Variants in SEMA3A observed in about 807,000 individuals in gnomAD.
SEMA3A encodes semaphorin 3A.
SEMA3A carries 29 observed loss-of-function variants against 97.9 expected under a neutral mutation model. The ratio of observed to expected loss-of-function variants is 0.30; its 90% CI spans 0.22 to 0.40. The LOEUF (loss-of-function observed/expected upper bound fraction) is 0.40. SEMA3A is among the 10% of genes least tolerant of loss of function. The pLI, the probability that SEMA3A is intolerant of heterozygous loss-of-function variation, is 1.00. For missense variants in SEMA3A, 763 were observed against 951.3 expected (o/e 0.80, Z 2.60); for synonymous variants, 321 against 323.7 (o/e 0.99, Z 0.09).
chr7:84,348,596 A>C (rs1459908386), intron 2 of SEMA3A, among the ~76,000 whole-genome samples: 2 of 152,196 alleles, frequency 1.3e-5, no homozygotes, highest in Non-Finnish European at 2.9e-5. Context: ...TCAAGAAAAG[A>C]ACTAAATATA....
chr7:84,229,180 G>A (rs1799060471), intron 3 of SEMA3A, among the ~76,000 whole-genome samples: 1 of 151,674 alleles, frequency 6.6e-6, no homozygotes, highest in African/African-American at 2.4e-5. Context: ...AAGTTTTTTT[G>A]TTATGTTTTT....
intron 3 of SEMA3A, among the ~76,000 whole-genome samples, chr7:84,294,852 T>C (rs1347974754): frequency 6.6e-6 from 1 of 152,000 alleles, no homozygotes; most frequent in Non-Finnish European, 1.5e-5. Flanking sequence ...TCTGAGTTAA[T>C]TGTAATTGGT....
At chr7:84,159,388 G>A (rs147566153) in intron 1 of SEMA3A, among the ~76,000 whole-genome samples, 6 of 152,042 alleles carry the variant, frequency 3.9e-5, no homozygotes, top group Non-Finnish European at 7.4e-5. Context: ...ATCTTTTTCC[G>A]TACCTTTTTA....
chr7:84,304,283 A>G (rs1286782148), intron 3 of SEMA3A, among the ~76,000 whole-genome samples: 6 of 152,126 alleles, frequency 3.9e-5, no homozygotes, highest in African/African-American at 1.4e-4. Flanking sequence ...AGGGCTGAAT[A>G]GTAAATATCT....
chr7:84,128,248 G>T (rs1795860481), intron 3 of SEMA3A, among the ~76,000 whole-genome samples: 1 of 151,634 alleles, frequency 6.6e-6, no homozygotes, highest in South Asian at 2.1e-4. Flanking sequence ...TGAATACATG[G>T]AAGGAAAGGA....
At chr7:84,304,926 T>C (rs1309983878) in intron 3 of SEMA3A, among the ~76,000 whole-genome samples, 1 of 152,042 alleles carries the variant, frequency 6.6e-6, no homozygotes, top group Non-Finnish European at 1.5e-5. Flanking sequence ...TTTAAATAAA[T>C]GCTTGAAATC....
At chr7:84,199,566 GTTTT>G (rs371073805), upstream of SEMA3A, among the ~76,000 whole-genome samples, 2 of 146,468 alleles carry the variant, frequency 1.4e-5, no homozygotes, top group South Asian at 4.3e-4. Context: ...TGTTATTTCC[GTTTT>G]TTTTTTTCTT....
At chr7:84,179,098 A>G (rs965328806) in intron 1 of SEMA3A, among the ~76,000 whole-genome samples, 2 of 152,172 alleles carry the variant, frequency 1.3e-5, no homozygotes, top group Non-Finnish European at 2.9e-5. Flanking sequence ...CATTTTCCCC[A>G]TAAAGTGTGT....
rs185830870 is a variant in SEMA3A, at chr7:83,980,506, G to A, written c.1652+815C>T. 3.3e-3 allele frequency among the ~76,000 whole-genome samples: 490 copies of A among 149,466 alleles called. 5 individuals carry two copies. Among genetic ancestry groups the A allele is most frequent in the African/African-American group, 0.011 (453 of 40,602 alleles). On this transcript the variant is annotated intron_variant, in intron 14 of 16. Coordinates refer to ENST00000265362, the MANE Select transcript of SEMA3A (RefSeq NM_006080.3). ...TGTAGTCCCAGCTACTCGGGAGGGT[G>A]AGACAGGAGAATCTCTTGAACCTGG... is the stretch of plus-strand genomic sequence containing the variant.
chr7:84,255,470 T>C (rs1799697483), intron 3 of SEMA3A, among the ~76,000 whole-genome samples: 2 of 152,114 alleles, frequency 1.3e-5, no homozygotes, highest in African/African-American at 4.8e-5. Flanking sequence ...GAATTCCAAC[T>C]GGAAATGGAC....
chr7:84,424,481 T>TATATAATATATAA (rs1804691277), intron 1 of SEMA3A, among the ~76,000 whole-genome samples: 1 of 100,674 alleles, frequency 9.9e-6, no homozygotes, highest in Admixed American at 1.6e-4. Context: ...CAATATATAA[T>TATATAATATATAA]ATATTGATAT....
intron 1 of SEMA3A, among the ~76,000 whole-genome samples, chr7:84,433,850 G>A (rs541590551): frequency 6.6e-6 from 1 of 152,212 alleles, no homozygotes; most frequent in Admixed American, 6.5e-5. Flanking sequence ...TTTCTTTCAT[G>A]TTTGTTGGCT....
intron 3 of SEMA3A, among the ~76,000 whole-genome samples, chr7:84,114,738 C>T (rs1484577450): frequency 2.0e-5 from 3 of 152,028 alleles, no homozygotes; most frequent in African/African-American, 7.2e-5. Context: ...TCTATTTAAG[C>T]TTTTCCACAC....
intron 3 of SEMA3A, among the ~76,000 whole-genome samples, chr7:84,281,559 A>G (rs1041276093): frequency 4.6e-5 from 7 of 152,190 alleles, no homozygotes; most frequent in African/African-American, 1.7e-4. Context: ...AGTTAATGAT[A>G]GCCTGGGTTT....
intron 2 of SEMA3A, among the ~76,000 whole-genome samples, chr7:84,313,218 T>TA (rs1801389716): frequency 6.9e-6 from 1 of 145,556 alleles, no homozygotes; most frequent in Admixed American, 6.9e-5. Context: ...GTTCCAAATT[T>TA]AAAATATTTC....
At chr7:83,985,156 T>C (rs1789574348) in intron 13 of SEMA3A, among the ~76,000 whole-genome samples, 1 of 152,072 alleles carries the variant, frequency 6.6e-6, no homozygotes, top group Non-Finnish European at 1.5e-5. Flanking sequence ...TAAATTATAT[T>C]AAAATGACCA....
At chr7:84,403,316 G>A (rs1282638223) in intron 1 of SEMA3A, among the ~76,000 whole-genome samples, 4 of 152,214 alleles carry the variant, frequency 2.6e-5, no homozygotes, top group Non-Finnish European at 5.9e-5. Flanking sequence ...AGCAGTCTGA[G>A]ATCAAACTGC....
At chr7:84,281,368 G>C (rs1800435665) in intron 3 of SEMA3A, among the ~76,000 whole-genome samples, 1 of 152,082 alleles carries the variant, frequency 6.6e-6, no homozygotes, top group Non-Finnish European at 1.5e-5. Context: ...AGCAGCCTGG[G>C]GATACTGCCC....
intron 1 of SEMA3A, among the ~76,000 whole-genome samples, chr7:84,379,269 G>A (rs1224580361): frequency 1.3e-5 from 2 of 152,052 alleles, no homozygotes; most frequent in Non-Finnish European, 2.9e-5. Flanking sequence ...TTAATGAAAC[G>A]GAGGAAGCCT....
Sources: allele counts gnomAD v4.1 joint callset (sites outside exome capture counted in the v4.1 genomes callset), GRCh38; gene constraint gnomAD v4.1.1; transcripts MANE v1.5; gene names NCBI Gene and HGNC (gene_info 2026-07-23, HGNC 2026-07-21).